The following OLFML1 variants were observed in gnomAD, a reference collection of about 807,000 sequenced individuals.
OLFML1 encodes olfactomedin-like protein 1.
OLFML1 carries 33 observed loss-of-function variants against 37.3 expected under a neutral mutation model. The observed-to-expected ratio is 0.88, with a 90% CI of 0.67 to 1.18. The LOEUF is 1.18. OLFML1 is among the 50% of genes most tolerant of loss of function. OLFML1 has a pLI of 0.00. For synonymous variants in OLFML1, 186 were observed against 181.3 expected (o/e 1.03, Z -0.21); for missense variants, 545 against 483.7 (o/e 1.13, Z -1.19).
At position 7,488,332 on chromosome 11, in the gene OLFML1, T is replaced by C; in HGVS notation, c.335T>C (p.Ile112Thr). Residue 112 changes from isoleucine to threonine, a missense_variant, in exon 2 of 3, where the codon ATC becomes ACC. By Grantham distance (89) the Ile-to-Thr change is moderately conservative. Transcript: ENST00000329293. ...TACCTTCGAGAGGCTGACGAGTGCATCGAATCAGAGGACAAGACACTGGCA... is the reference window on the plus strand; with the variant it reads ...TACCTTCGAGAGGCTGACGAGTGCACCGAATCAGAGGACAAGACACTGGCA... ...IQYLREADECIESEDKTLAEM... is the reference protein window; with the variant it reads ...IQYLREADECTESEDKTLAEM... 6.2e-7 allele frequency: 1 copy of C among 1,614,004 alleles called. No homozygotes were observed. Among genetic ancestry groups the C allele is most frequent in the Non-Finnish European group, 8.5e-7 (1 of 1,179,982 alleles).
At chr11:7,507,453 G>A (rs937533161) in intron 2 of OLFML1, among the ~76,000 whole-genome samples, 1 of 151,932 alleles carries the variant, frequency 6.6e-6, no homozygotes, top group African/African-American at 2.4e-5. Flanking sequence ...GGCCCTTAAG[G>A]TTCCAGGCAT....
chr11:7,486,412 TG>T (rs1282806260), intron 1 of OLFML1, among the ~76,000 whole-genome samples: 1 of 152,244 alleles, frequency 6.6e-6, no homozygotes, highest in Non-Finnish European at 1.5e-5. Flanking sequence ...TTTTTCTTCA[TG>T]TTTTAGTGTT....
At chr11:7,495,647 T>C (rs779779186) in intron 2 of OLFML1, among the ~76,000 whole-genome samples, 4 of 152,178 alleles carry the variant, frequency 2.6e-5, no homozygotes, top group Non-Finnish European at 5.9e-5. Context: ...TCATTTATGC[T>C]GTGCCTGGAA....
chr11:7,496,719 T>C (rs1025244422), intron 2 of OLFML1, among the ~76,000 whole-genome samples: 15 of 151,798 alleles, frequency 9.9e-5, no homozygotes, highest in African/African-American at 3.1e-4. Flanking sequence ...AAAAACACTA[T>C]GCAAAAAACC....
chr11:7,486,228 T>C (rs988087920), intron 1 of OLFML1, among the ~76,000 whole-genome samples: 1 of 152,248 alleles, frequency 6.6e-6, no homozygotes, highest in Non-Finnish European at 1.5e-5. Context: ...GTGCTCTGAT[T>C]TGGCAGTTTG....
Position 7,485,778 on chromosome 11 carries a change from A to C in OLFML1, c.-98A>C. Reference sequence around the variant, plus strand: ...AAACGCTGTTTTTAGAGGATTTGCCACAGCAGCGGATAGAGCAGGAGAGCA... The same window carrying C: ...AAACGCTGTTTTTAGAGGATTTGCCCCAGCAGCGGATAGAGCAGGAGAGCA... On this transcript the variant is annotated 5_prime_UTR_variant, in exon 1 of 3. Transcript: ENST00000329293. 1 of 1,272,198 alleles carries C rather than the reference A, an allele frequency of 7.9e-7. No homozygotes were observed. Among genetic ancestry groups the C allele is most frequent in the Admixed American group, 2.2e-5 (1 of 45,828 alleles). 78.8% of individuals were successfully genotyped at this position (1,272,198 alleles called of 1,614,324 possible).
At chr11:7,490,643 T>C (rs1848584262) in intron 2 of OLFML1, among the ~76,000 whole-genome samples, 1 of 152,206 alleles carries the variant, frequency 6.6e-6, no homozygotes, top group Non-Finnish European at 1.5e-5. Context: ...CTGTGGTATA[T>C]GAAAACTTAT....
chr11:7,496,576 T>C (rs868594925), intron 2 of OLFML1, among the ~76,000 whole-genome samples: 2 of 152,282 alleles, frequency 1.3e-5, no homozygotes, highest in Middle Eastern at 3.4e-3. Context: ...TGAGATGTAC[T>C]TCACAGGAAG....
At chr11:7,486,800 A>G (rs1848529056) in intron 1 of OLFML1, among the ~76,000 whole-genome samples, 2 of 152,226 alleles carry the variant, frequency 1.3e-5, no homozygotes, top group Admixed American at 1.3e-4. Flanking sequence ...ATTATTTTAT[A>G]CATTTTCCTG....
intron 2 of OLFML1, among the ~76,000 whole-genome samples, chr11:7,501,803 T>C (rs1848727840): frequency 6.6e-6 from 1 of 152,190 alleles, no homozygotes; most frequent in Non-Finnish European, 1.5e-5. Context: ...TATTTAGACT[T>C]TAGAAAAATA....
In OLFML1 at chr11:7,488,204, C is replaced by T. The variant is rs752567568; in HGVS notation, c.207C>T (p.Val69=). 2 of 1,613,608 alleles carry T rather than the reference C, an allele frequency of 1.2e-6. No individual in the cohort carries two copies. The highest frequency in any genetic ancestry group is 1.7e-6 in the Non-Finnish European group (2 of 1,179,774). The change falls in exon 2 of 3, where the codon GTC becomes GTT. Residue 69 remains valine, a synonymous_variant. Transcript: ENST00000329293. ...AAGAGTTCTCAAAAAATATATCTGTCATGCTGGGAAGATGTCAGACCTACA... is the reference window on the plus strand; with the variant it reads ...AAGAGTTCTCAAAAAATATATCTGTTATGCTGGGAAGATGTCAGACCTACA... The part of the protein sequence containing the change: ...EFQEFSKNIS[V]MLGRCQTYTS...
At chr11:7,502,298 G>T (rs1848732648) in intron 2 of OLFML1, among the ~76,000 whole-genome samples, 1 of 152,208 alleles carries the variant, frequency 6.6e-6, no homozygotes, top group Non-Finnish European at 1.5e-5. Context: ...ACAGAGAAAG[G>T]CAGGGGCCAC....
rs1848830120 is a variant in OLFML1, at chr11:7,509,662, A to G, written c.683A>G (p.His228Arg). 6.2e-7 allele frequency: 1 copy of G among 1,614,134 alleles called. No individual in the cohort carries two copies. The highest frequency in any genetic ancestry group is 1.3e-5 in the African/African-American group (1 of 74,942). ...ATCTACAAAGGTTTTCTATTTTTTC[A>G]TAACCAAGCAACTTCTAATGAGATA... ...QVIYKGFLFF[H>R]NQATSNEIIK... The change falls in exon 3 of 3, where the codon CAT (histidine) becomes CGT (arginine). Residue 228 changes from histidine to arginine, a missense_variant. Physicochemically the swap from His to Arg is conservative, Grantham distance 29 (BLOSUM62 0). Transcript: ENST00000329293.
At chr11:7,497,751 T>C (rs1848680553) in intron 2 of OLFML1, among the ~76,000 whole-genome samples, 1 of 152,200 alleles carries the variant, frequency 6.6e-6, no homozygotes, top group Non-Finnish European at 1.5e-5. Context: ...AATTTAGTGC[T>C]GGAAAGCTAG....
chr11:7,502,114 G>A (rs776751100), intron 2 of OLFML1, among the ~76,000 whole-genome samples: 2 of 152,234 alleles, frequency 1.3e-5, no homozygotes, highest in Non-Finnish European at 2.9e-5. Flanking sequence ...AGTGAGACTT[G>A]AAGGCTAAAT....
chr11:7,498,446 T>C (rs1258206879), intron 2 of OLFML1, among the ~76,000 whole-genome samples: 1 of 152,196 alleles, frequency 6.6e-6, no homozygotes, highest in East Asian at 1.9e-4. Context: ...CATGCTATGC[T>C]GAGATATCGG....
At chr11:7,495,806 G>T (rs990895944) in intron 2 of OLFML1, among the ~76,000 whole-genome samples, 4 of 152,112 alleles carry the variant, frequency 2.6e-5, no homozygotes, top group African/African-American at 4.8e-5. Flanking sequence ...CACTATTACA[G>T]CTCCTTTTCA....
chr11:7,491,121 A>C (rs1046157047), intron 2 of OLFML1, among the ~76,000 whole-genome samples: 1 of 148,956 alleles, frequency 6.7e-6, no homozygotes, highest in Non-Finnish European at 1.5e-5. Context: ...TAAAATATAT[A>C]TTATATATAA....
intron 2 of OLFML1, 183 bp downstream of exon 2, chr11:7,488,598 G>A (rs1848556863): frequency 5.9e-6 from 3 of 505,960 alleles, no homozygotes; most frequent in East Asian, 3.5e-5. Context: ...ATCCATTCTC[G>A]CAAAGCCATT....
Sources: allele counts gnomAD v4.1 joint callset (sites outside exome capture counted in the v4.1 genomes callset), GRCh38; gene constraint gnomAD v4.1.1; transcripts MANE v1.5; gene names NCBI Gene and HGNC (gene_info 2026-07-23, HGNC 2026-07-21).